RNF20: variants seen among roughly 807,000 people sequenced by gnomAD.
RNF20 encodes the protein ring finger protein 20.
RNF20 carries 84 observed loss-of-function variants against 126.2 expected under a neutral mutation model. That is an observed-to-expected ratio of 0.67 (90% CI 0.56 to 0.80). RNF20 has a LOEUF of 0.80. Among genes scored for constraint, RNF20 ranks in the 30% least tolerant of loss-of-function variants. The pLI is 0.00. For synonymous variants in RNF20, 400 were observed against 414.3 expected, an observed-to-expected ratio of 0.97 and a Z score of 0.42; for missense variants, 869 against 1,188.2, an observed-to-expected ratio of 0.73 and a Z score of 3.95.
intron 14 of RNF20, among the ~76,000 whole-genome samples, 171 bp downstream of exon 14, chr9:101,554,276 A>G (rs1827493977): frequency 6.6e-6 from 1 of 152,234 alleles, no homozygotes; most frequent in African/African-American, 2.4e-5. Flanking sequence ...AAAACTCTCC[A>G]TAGGATGGTA....
At position 101,540,379 on chromosome 9, in the gene RNF20, C is replaced by T; in HGVS notation, c.297+9C>T. 6.2e-7 allele frequency: 1 copy of T among 1,613,910 alleles called. No homozygotes were observed. The highest frequency in any genetic ancestry group is 1.1e-5 in the South Asian group (1 of 91,082). ...ACCGATACTGGAGTCAGGTAGCTAA[C>T]TTGTTTATTTGTTCAGATTTTTATT... On this transcript the variant is annotated intron_variant, in intron 3 of 19. Coordinates refer to ENST00000389120, the MANE Select transcript of RNF20 (RefSeq NM_019592.7).
chr9:101,562,190 C>A, intron 19 of RNF20, 56 bp from the exon 20 acceptor site: 1 of 1,553,552 alleles, frequency 6.4e-7, no homozygotes, highest in South Asian at 1.2e-5. Context: ...TATATGAGAG[C>A]CATTTGGATC....
chr9:101,554,439 G>T, intron 14 of RNF20, among the ~76,000 whole-genome samples: 1 of 152,100 alleles, frequency 6.6e-6, no homozygotes, highest in East Asian at 1.9e-4. Flanking sequence ...TAAAAAAAAG[G>T]ATGGGAACCA....
intron 9 of RNF20, among the ~76,000 whole-genome samples, chr9:101,547,790 C>T (rs1827377078): frequency 6.6e-6 from 1 of 152,120 alleles, no homozygotes; most frequent in Non-Finnish European, 1.5e-5. Context: ...GATAAAGATG[C>T]TCGCTGTCAT....
At chr9:101,547,261 C>G (rs1310899966) in intron 8 of RNF20, 47 bp downstream of exon 8, 9 of 1,604,674 alleles carry the variant, frequency 5.6e-6, no homozygotes, top group Admixed American at 3.3e-5. Flanking sequence ...TGTCAGCTTT[C>G]ATGCTTAGGT....
chr9:101,554,949 T>C (rs1827510347), intron 15 of RNF20, 106 bp downstream of exon 15: 2 of 742,336 alleles, frequency 2.7e-6, no homozygotes, highest in Non-Finnish European at 3.9e-6. Context: ...TTTTGATTGT[T>C]AATGTGTATT....
rs762600526 is a variant in RNF20, at chr9:101,546,920, A to G, written c.848A>G (p.Lys283Arg). ...DLQWDIDKIRKREQRLNRHLA... is the reference protein window; with the variant it reads ...DLQWDIDKIRRREQRLNRHLA... ...CAGTGGGATATTGACAAAATTCGAAAGAGGGAACAGCGACTCAACCGACAC... is the reference window on the plus strand; with the variant it reads ...CAGTGGGATATTGACAAAATTCGAAGGAGGGAACAGCGACTCAACCGACAC... The change falls in exon 7 of 20, where the codon AAG becomes AGG. Residue 283 changes from lysine to arginine, a missense_variant. This residue lies in a region of RNF20 where 153 missense variants were observed against 226.4 expected (regional missense o/e 0.68). Coordinates refer to ENST00000389120, the MANE Select transcript of RNF20 (RefSeq NM_019592.7). 1 of 1,614,186 alleles carries G rather than the reference A, an allele frequency of 6.2e-7. No individual in the cohort carries two copies. The highest frequency in any genetic ancestry group is 8.5e-7 in the Non-Finnish European group (1 of 1,180,026).
At position 101,562,356 on chromosome 9, in the gene RNF20, G is replaced by A. The variant is rs545710343; in HGVS notation, c.2862G>A (p.Gln954=). Residue 954 remains glutamine, a synonymous_variant, in exon 20 of 20, where the codon CAG becomes CAA. Coordinates refer to ENST00000389120, the MANE Select transcript of RNF20 (RefSeq NM_019592.7). Reference sequence around the variant, plus strand: ...TGAAGACACGCTATGACACCCGCCAGCGCAAATGTCCCAAGTGTAATGCTG... The same window carrying A: ...TGAAGACACGCTATGACACCCGCCAACGCAAATGTCCCAAGTGTAATGCTG... ...ECVKTRYDTR[Q]RKCPKCNAAF... is the part of the protein sequence containing the mutation. 102 of 1,614,030 alleles carry A rather than the reference G, an allele frequency of 6.3e-5. No individual in the cohort carries two copies. In the South Asian group the frequency reaches 1.0e-3, roughly 16 times the overall value.
At chr9:101,537,796 G>C (rs1342482036) in intron 2 of RNF20, among the ~76,000 whole-genome samples, 1 of 152,178 alleles carries the variant, frequency 6.6e-6, no homozygotes, top group African/African-American at 2.4e-5. Flanking sequence ...GGAACAAGGG[G>C]AATAAAGGGA....
chr9:101,543,366 T>C (rs1055950889), intron 5 of RNF20, among the ~76,000 whole-genome samples: 11 of 148,312 alleles, frequency 7.4e-5, no homozygotes, highest in African/African-American at 2.3e-4. Context: ...TGTCTAACCC[T>C]GCCAGGGCGG....
Position 101,540,153 on chromosome 9 carries a change from C to T in RNF20, c.130-50C>T, listed in dbSNP as rs148111768. 182 of 1,553,140 alleles carry T rather than the reference C, an allele frequency of 1.2e-4. No homozygotes were observed. In the East Asian group the frequency reaches 4.1e-3, roughly 35 times the overall value. On this transcript the variant is annotated intron_variant, in intron 2 of 19. Coordinates refer to ENST00000389120, the MANE Select transcript of RNF20 (RefSeq NM_019592.7). ...TGTGACCTTGTTGAGTTTAACGGCTCATTTTTCTTATTTCTTTGTGGAGAC... is the reference window on the plus strand; with the variant it reads ...TGTGACCTTGTTGAGTTTAACGGCTTATTTTTCTTATTTCTTTGTGGAGAC...
intron 16 of RNF20, among the ~76,000 whole-genome samples, chr9:101,558,648 G>A (rs1203307590): frequency 4.6e-5 from 7 of 152,094 alleles, no homozygotes; most frequent in Non-Finnish European, 1.0e-4. Flanking sequence ...ACATTTCCCT[G>A]ATAATTAATG....
chr9:101,537,656 A>G (rs993444764), intron 2 of RNF20, among the ~76,000 whole-genome samples: 1 of 152,234 alleles, frequency 6.6e-6, no homozygotes, highest in Admixed American at 6.5e-5. Flanking sequence ...AATCAAAGAT[A>G]CAAACAAAGA....
At chr9:101,557,286 T>G in intron 15 of RNF20, 98 bp from the exon 16 acceptor site, 1 of 816,354 alleles carries the variant, frequency 1.2e-6, no homozygotes, top group Non-Finnish European at 2.0e-6. Flanking sequence ...CTAAATTAAT[T>G]TATATCTAAA....
chr9:101,542,673 A>G (rs1338388112), intron 5 of RNF20, among the ~76,000 whole-genome samples: 2 of 152,232 alleles, frequency 1.3e-5, no homozygotes, highest in East Asian at 3.8e-4. Flanking sequence ...ATGGTAATTA[A>G]TATGCCATGT....
intron 9 of RNF20, among the ~76,000 whole-genome samples, chr9:101,549,962 G>T (rs920733627): frequency 1.3e-5 from 2 of 152,058 alleles, no homozygotes; most frequent in Non-Finnish European, 2.9e-5. Context: ...TATTATACTG[G>T]AACAGCTCGT....
At chr9:101,546,122 G>A (rs1827343904) in intron 6 of RNF20, among the ~76,000 whole-genome samples, 1 of 152,146 alleles carries the variant, frequency 6.6e-6, no homozygotes, top group Admixed American at 6.5e-5. Flanking sequence ...GATTCAAGAG[G>A]AGGGAACAAA....
chr9:101,547,071 A>C (rs1373094322), intron 7 of RNF20, 66 bp from the exon 8 acceptor site: 2 of 1,601,712 alleles, frequency 1.2e-6, no homozygotes, highest in African/African-American at 2.7e-5. Context: ...CATCCTTTGA[A>C]GGTACATTGG....
intron 16 of RNF20, among the ~76,000 whole-genome samples, chr9:101,560,481 G>A (rs2118743323): frequency 6.6e-6 from 1 of 152,238 alleles, no homozygotes; most frequent in Non-Finnish European, 1.5e-5. Context: ...TTGGACTTTT[G>A]TTTGAGTTCT....
Sources: allele counts gnomAD v4.1 joint callset (sites outside exome capture counted in the v4.1 genomes callset), GRCh38; gene constraint gnomAD v4.1.1; regional missense constraint gnomAD v4.1.1; transcripts MANE v1.5; gene names NCBI Gene and HGNC (gene_info 2026-07-23, HGNC 2026-07-21).